S100A13: variants seen among roughly 807,000 people sequenced by gnomAD.
The protein encoded by S100A13 is S100 calcium binding protein A13.
Under a neutral mutation model 8.2 loss-of-function variants are expected in S100A13, and 6 were observed. That is an observed-to-expected ratio of 0.73 (90% CI 0.40 to 1.44). The LOEUF (loss-of-function observed/expected upper bound fraction) is 1.44, where lower values mean the gene tolerates loss of function less well. Ranked by LOEUF, S100A13 falls within the 40% of genes most tolerant of loss-of-function variation. The pLI, the probability that S100A13 is intolerant of heterozygous loss-of-function variation, is 0.02. For missense variants in S100A13, 114 were observed against 113.6 expected (o/e 1.00, Z -0.02); for synonymous variants, 39 against 45.9 (o/e 0.85, Z 0.61).
upstream of S100A13, chr1:153,628,647 G>C (rs914569042): frequency 7.7e-7 from 1 of 1,301,012 alleles, no homozygotes. Flanking sequence ...TTTGGGATTT[G>C]GGGGAGACAG....
At position 153,619,048 on chromosome 1, in the gene S100A13, C is replaced by T. The variant is rs757942186; in HGVS notation, c.154-10G>A. On this transcript the variant is annotated splice_polypyrimidine_tract_variant and intron_variant, in intron 2 of 2. Transcript: ENST00000476133. ...CAAGAGAGCCCACATCCTGAGGAGACACCAAAGGGAAGGGTAGAGTTAGAA... is the reference window on the plus strand; with the variant it reads ...CAAGAGAGCCCACATCCTGAGGAGATACCAAAGGGAAGGGTAGAGTTAGAA... 9 of 1,611,718 alleles carry T rather than the reference C, an allele frequency of 5.6e-6. No homozygotes were observed. The highest frequency in any genetic ancestry group is 7.6e-6 in the Non-Finnish European group (9 of 1,178,854).
At chr1:153,633,055 G>A (rs1160507905), upstream of S100A13, 2 of 152,352 alleles carry the variant, frequency 1.3e-5, no homozygotes, top group African/African-American at 4.8e-5. Context: ...CAGCTACTCA[G>A]GAGGCTGAGG....
chr1:153,632,633 G>A (rs945987542), upstream of S100A13, among the ~76,000 whole-genome samples: 2 of 152,018 alleles, frequency 1.3e-5, no homozygotes, highest in African/African-American at 4.8e-5. Context: ...AACACTGTAG[G>A]AACTGAGGCT....
At chr1:153,629,284 T>G (rs1257689799), upstream of S100A13, 2 of 152,002 alleles carry the variant, frequency 1.3e-5, no homozygotes, top group African/African-American at 4.8e-5. Flanking sequence ...GCACCCCTTA[T>G]CCCCTCATCA....
upstream of S100A13, chr1:153,634,303 G>A (rs1324142123): frequency 6.5e-6 from 1 of 152,940 alleles, no homozygotes; most frequent in African/African-American, 2.4e-5. Flanking sequence ...CCGGAGCCGT[G>A]GTGGCAGCCC....
At chr1:153,621,871 T>TA (rs200445117) in intron 2 of S100A13, among the ~76,000 whole-genome samples, 138 of 136,584 alleles carry the variant, frequency 1.0e-3, no homozygotes, top group Middle Eastern at 3.9e-3. Flanking sequence ...TCAAAAAAAT[T>TA]AAAAAAAAAA....
chr1:153,621,252 G>C (rs1667226762), intron 2 of S100A13, among the ~76,000 whole-genome samples: 2 of 151,458 alleles, frequency 1.3e-5, no homozygotes, highest in Admixed American at 1.3e-4. Context: ...CACCTTCTGG[G>C]TTCAAGCAAT....
upstream of S100A13, chr1:153,630,801 T>G: frequency 1.7e-6 from 2 of 1,168,048 alleles, no homozygotes; most frequent in Non-Finnish European, 2.4e-6. Context: ...TCTCCTGGGT[T>G]TTTCCAGGCT....
chr1:153,628,717 T>A, upstream of S100A13: 1 of 784,154 alleles, frequency 1.3e-6, no homozygotes, highest in Non-Finnish European at 1.9e-6. Context: ...AGCTGGCAGC[T>A]CAGCAAAGGA....
At chr1:153,625,638 C>A (rs770352557) in intron 2 of S100A13, among the ~76,000 whole-genome samples, 1 of 152,222 alleles carries the variant, frequency 6.6e-6, no homozygotes. Flanking sequence ...GTGAGGAATG[C>A]GGACTGTGTT....
upstream of S100A13, among the ~76,000 whole-genome samples, chr1:153,632,392 C>T (rs1668071894): frequency 6.6e-6 from 1 of 151,368 alleles, no homozygotes; most frequent in African/African-American, 2.4e-5. Flanking sequence ...CTGCCTCAGC[C>T]TCCCGAGCAG....
chr1:153,626,263 AAC>A, intron 2 of S100A13, 55 bp downstream of exon 2: 3 of 1,542,078 alleles, frequency 1.9e-6, no homozygotes, highest in Non-Finnish European at 2.7e-6. Context: ...TCACGTCCTA[AAC>A]ACAGTGTCCC....
upstream of S100A13, chr1:153,630,617 GGAGCTGAAA>G: frequency 6.2e-7 from 1 of 1,614,280 alleles, no homozygotes; most frequent in South Asian, 1.1e-5. Flanking sequence ...TGAGCAAGAA[GGAGCTGAAA>G]GAGCTGCTGC....
upstream of S100A13, chr1:153,631,405 T>TATTA: frequency 7.0e-7 from 1 of 1,426,692 alleles, no homozygotes; most frequent in Non-Finnish European, 9.6e-7. Context: ...ACATTATTTG[T>TATTA]ATTAGAATTA....
upstream of S100A13, chr1:153,627,723 G>C (rs187736185): frequency 1.7e-5 from 4 of 228,636 alleles, no homozygotes; most frequent in South Asian, 7.5e-5. Context: ...GACAGATCTC[G>C]TTCGGCAGGG....
intron 2 of S100A13, among the ~76,000 whole-genome samples, chr1:153,624,992 T>C (rs1048796698): frequency 6.6e-6 from 1 of 152,084 alleles, no homozygotes; most frequent in Admixed American, 6.6e-5. Flanking sequence ...AGAGAACCAC[T>C]TGAACCCAGG....
At chr1:153,631,640 C>G, upstream of S100A13, 4 of 1,613,594 alleles carry the variant, frequency 2.5e-6, no homozygotes, top group Non-Finnish European at 3.4e-6. Context: ...CCCCTTGCCT[C>G]TGACTCAGTG....
chr1:153,620,216 G>A (rs1667147277), intron 2 of S100A13, among the ~76,000 whole-genome samples: 1 of 152,156 alleles, frequency 6.6e-6, no homozygotes, highest in Non-Finnish European at 1.5e-5. Flanking sequence ...GAACCTGGGA[G>A]GCGGAGGTTG....
At chr1:153,629,002 T>C (rs1205966514), upstream of S100A13, 1 of 157,938 alleles carries the variant, frequency 6.3e-6, no homozygotes, top group Non-Finnish European at 1.4e-5. Context: ...AAAGCTCCCA[T>C]GATATGGGGA....
Sources: allele counts gnomAD v4.1 joint callset (sites outside exome capture counted in the v4.1 genomes callset), GRCh38; gene constraint gnomAD v4.1.1; transcripts MANE v1.5; gene names NCBI Gene and HGNC (gene_info 2026-07-23, HGNC 2026-07-21).